Variants in ST7 observed in about 807,000 individuals in gnomAD.
ST7 encodes the protein suppressor of tumorigenicity 7 protein.
Under a neutral mutation model 78.7 loss-of-function variants are expected in ST7, and 28 were observed. The ratio of observed to expected loss-of-function variants is 0.36; its 90% CI spans 0.26 to 0.49. The LOEUF is 0.49. Ranked by LOEUF, ST7 falls within the 20% of genes least tolerant of loss-of-function variation. ST7 has a pLI of 0.99. For synonymous variants in ST7, 247 were observed against 249.6 expected, an observed-to-expected ratio of 0.99 and a Z score of 0.10; for missense variants, 418 against 696.0, an observed-to-expected ratio of 0.60 and a Z score of 4.49.
chr7:117,066,670 A>G (rs982304124), intron 1 of ST7, among the ~76,000 whole-genome samples: 1 of 150,498 alleles, frequency 6.6e-6, no homozygotes, highest in Non-Finnish European at 1.5e-5. Context: ...CTGAGGCAGG[A>G]GAATCGCTTG....
intron 13 of ST7, among the ~76,000 whole-genome samples, chr7:117,215,749 T>G (rs936898610): frequency 6.6e-6 from 1 of 152,206 alleles, no homozygotes; most frequent in Non-Finnish European, 1.5e-5. Flanking sequence ...CTTACTTTCA[T>G]GATTGGATCC....
At chr7:116,968,532 C>A (rs1793258790) in intron 1 of ST7, 1 of 382,706 alleles carries the variant, frequency 2.6e-6, no homozygotes, top group Non-Finnish European at 5.3e-6. Context: ...TGTTGAACCT[C>A]TTTTCTCTTA....
chr7:117,100,348 AC>A (rs1294845631), intron 2 of ST7, among the ~76,000 whole-genome samples: 1 of 151,904 alleles, frequency 6.6e-6, no homozygotes, highest in Non-Finnish European at 1.5e-5. Context: ...AGTGGCACAT[AC>A]CTGTAGTCCC....
At chr7:116,994,881 G>A (rs552953389) in intron 1 of ST7, among the ~76,000 whole-genome samples, 1 of 152,312 alleles carries the variant, frequency 6.6e-6, no homozygotes, top group African/African-American at 2.4e-5. Context: ...GTCCTTTTCT[G>A]TTCGCTCTTT....
chr7:117,200,833 T>TA (rs1810770223), intron 12 of ST7, among the ~76,000 whole-genome samples: 5 of 52,064 alleles, frequency 9.6e-5, no homozygotes, highest in African/African-American at 5.1e-5. Flanking sequence ...TTTTTTTTTT[T>TA]TAAAAAAAAA....
intron 10 of ST7, among the ~76,000 whole-genome samples, chr7:117,177,578 T>C (rs906230963): frequency 1.1e-4 from 16 of 152,330 alleles, no homozygotes; most frequent in Admixed American, 3.3e-4. Context: ...TGTTTGGCTT[T>C]GTAGCGTAAG....
chr7:117,047,218 T>C (rs1406987605), intron 1 of ST7, among the ~76,000 whole-genome samples: 1 of 152,184 alleles, frequency 6.6e-6, no homozygotes, highest in African/African-American at 2.4e-5. Context: ...CACTCATCTT[T>C]TTTTCCCTAG....
intron 1 of ST7, among the ~76,000 whole-genome samples, chr7:117,046,672 A>G (rs1797508115): frequency 6.6e-6 from 1 of 152,112 alleles, no homozygotes; most frequent in South Asian, 2.1e-4. Context: ...GTAAATGTTT[A>G]TTTTGTGATG....
intron 1 of ST7, among the ~76,000 whole-genome samples, chr7:117,073,573 G>A (rs1246918746): frequency 6.6e-6 from 1 of 152,168 alleles, no homozygotes; most frequent in African/African-American, 2.4e-5. Flanking sequence ...AGTGGTTAGG[G>A]CCACAAACTT....
intron 12 of ST7, chr7:117,198,385 TG>T: frequency 2.2e-6 from 1 of 451,584 alleles, no homozygotes; most frequent in South Asian, 1.6e-5. Context: ...CACCCTAGCC[TG>T]AAGAAGGACA....
At chr7:117,130,758 A>C in intron 5 of ST7, 152 bp downstream of exon 5, 1 of 518,376 alleles carries the variant, frequency 1.9e-6, no homozygotes, top group Non-Finnish European at 3.4e-6. Flanking sequence ...CTGATAATTA[A>C]GTAAACCTTT....
At chr7:117,182,106 G>A (rs1418985818) in intron 10 of ST7, among the ~76,000 whole-genome samples, 2 of 152,158 alleles carry the variant, frequency 1.3e-5, no homozygotes, top group African/African-American at 4.8e-5. Context: ...CTAAAAATCA[G>A]ATCTTGGAAA....
At chr7:117,113,977 A>G (rs1256783520) in intron 2 of ST7, among the ~76,000 whole-genome samples, 2 of 152,198 alleles carry the variant, frequency 1.3e-5, no homozygotes, top group African/African-American at 2.4e-5. Flanking sequence ...ACTTAGAGAC[A>G]CTGAGGTGGG....
chr7:117,136,888 T>TG (rs1411427308), intron 8 of ST7: 3 of 152,252 alleles, frequency 2.0e-5, no homozygotes, highest in African/African-American at 7.2e-5. Flanking sequence ...TGACATTTCG[T>TG]GGGGGAACAG....
chr7:117,100,813 T>TTA (rs1374695702), intron 2 of ST7, among the ~76,000 whole-genome samples: 1 of 152,142 alleles, frequency 6.6e-6, no homozygotes, highest in African/African-American at 2.4e-5. Context: ...ACTACTCTAA[T>TTA]AGAATTAAAT....
chr7:117,173,219 G>A (rs1808127402), intron 10 of ST7, among the ~76,000 whole-genome samples: 1 of 152,170 alleles, frequency 6.6e-6, no homozygotes. Context: ...CATGGAAAAA[G>A]AGCCTCATTA....
intron 1 of ST7, among the ~76,000 whole-genome samples, chr7:116,969,990 G>A (rs1039991872): frequency 3.3e-5 from 5 of 152,218 alleles, no homozygotes; most frequent in South Asian, 2.1e-4. Flanking sequence ...CAGGAGAATC[G>A]TTTGAACCCA....
chr7:117,066,180 T>C (rs1315941083), intron 1 of ST7, among the ~76,000 whole-genome samples: 1 of 152,212 alleles, frequency 6.6e-6, no homozygotes, highest in East Asian at 1.9e-4. Context: ...AGCAAGCCCT[T>C]CCAGTGTGCC....
chr7:117,194,580 CAAAG>C (rs1440952899), intron 12 of ST7, among the ~76,000 whole-genome samples: 1 of 152,152 alleles, frequency 6.6e-6, no homozygotes, highest in Admixed American at 6.5e-5. Context: ...CAAAAGAAGA[CAAAG>C]AAATCTTGAA....
Sources: allele counts gnomAD v4.1 joint callset (sites outside exome capture counted in the v4.1 genomes callset), GRCh38; gene constraint gnomAD v4.1.1; transcripts MANE v1.5; gene names NCBI Gene and HGNC (gene_info 2026-07-23, HGNC 2026-07-21).